Variants in MAP2K1 observed in about 807,000 individuals in gnomAD.
MAP2K1 encodes the protein dual specificity mitogen-activated protein kinase kinase 1.
A neutral mutation model predicts 46.3 loss-of-function variants in MAP2K1; 16 were observed. That is an observed-to-expected ratio of 0.35 (90% confidence interval 0.23 to 0.52). The LOEUF is 0.52. Among genes scored for constraint, MAP2K1 ranks in the 20% least tolerant of loss-of-function variants. The pLI, the probability that MAP2K1 is intolerant of heterozygous loss-of-function variation, is 0.94. For synonymous variants in MAP2K1, 183 were observed against 185.6 expected (o/e 0.99, Z 0.11); for missense variants, 263 against 497.1 (o/e 0.53, Z 4.48).
At chr15:66,426,578 A>AG (rs1205775416) in intron 1 of MAP2K1, among the ~76,000 whole-genome samples, 1 of 152,102 alleles carries the variant, frequency 6.6e-6, no homozygotes, top group African/African-American at 2.4e-5. Flanking sequence ...AGGAAGAGGA[A>AG]GGCATCTAAG....
At chr15:66,447,785 C>T (rs1467087295) in intron 5 of MAP2K1, among the ~76,000 whole-genome samples, 3 of 151,986 alleles carry the variant, frequency 2.0e-5, no homozygotes. Flanking sequence ...AGTACATTCA[C>T]ATTCTTGTGC....
chr15:66,473,620 C>T (rs1892691406), intron 5 of MAP2K1, among the ~76,000 whole-genome samples: 1 of 152,060 alleles, frequency 6.6e-6, no homozygotes, highest in Non-Finnish European at 1.5e-5. Context: ...CTCTCTGTAC[C>T]CCCTATACCT....
At chr15:66,437,556 G>C (rs7179822) in intron 3 of MAP2K1, among the ~76,000 whole-genome samples, 1 of 152,182 alleles carries the variant, frequency 6.6e-6, no homozygotes, top group African/African-American at 2.4e-5. Flanking sequence ...TGCACACTTG[G>C]TGGCTGTTGT....
intron 1 of MAP2K1, among the ~76,000 whole-genome samples, chr15:66,411,909 A>C (rs991834796): frequency 6.6e-6 from 1 of 152,158 alleles, no homozygotes; most frequent in African/African-American, 2.4e-5. Flanking sequence ...CATTTAAGGC[A>C]GGAGAGAGAT....
chr15:66,434,710 G>A (rs181089547), intron 1 of MAP2K1, among the ~76,000 whole-genome samples: 12 of 152,296 alleles, frequency 7.9e-5, no homozygotes, highest in African/African-American at 2.9e-4. Context: ...GCAAATTAAG[G>A]TGGCTCATTC....
intron 5 of MAP2K1, among the ~76,000 whole-genome samples, chr15:66,463,974 T>TA (rs1487557324): frequency 1.3e-5 from 2 of 152,198 alleles, no homozygotes; most frequent in African/African-American, 2.4e-5. Flanking sequence ...GGCAGTCAGA[T>TA]ATGCATTTAT....
chr15:66,463,467 T>G (rs898713091), intron 5 of MAP2K1, among the ~76,000 whole-genome samples: 7 of 150,814 alleles, frequency 4.6e-5, no homozygotes, highest in African/African-American at 1.7e-4. Flanking sequence ...GTGCCCACGG[T>G]GGTCAGGGCA....
intron 1 of MAP2K1, among the ~76,000 whole-genome samples, chr15:66,392,418 A>G (rs924575094): frequency 1.3e-5 from 2 of 151,286 alleles, no homozygotes; most frequent in African/African-American, 4.9e-5. Context: ...GGCTCAAGCG[A>G]TCTGCCCACC....
At chr15:66,480,630 GT>G (rs2084058527) in intron 5 of MAP2K1, among the ~76,000 whole-genome samples, 1 of 152,080 alleles carries the variant, frequency 6.6e-6, no homozygotes, top group African/African-American at 2.4e-5. Context: ...ATAATGAAAC[GT>G]TATTAGTGGC....
intron 1 of MAP2K1, among the ~76,000 whole-genome samples, chr15:66,408,581 G>C (rs1377135846): frequency 6.6e-6 from 1 of 152,064 alleles, no homozygotes; most frequent in Non-Finnish European, 1.5e-5. Flanking sequence ...GGGGTCAAGA[G>C]GGGTGTTAAT....
intron 1 of MAP2K1, among the ~76,000 whole-genome samples, chr15:66,389,784 G>T (rs949938096): frequency 6.6e-6 from 1 of 151,958 alleles, no homozygotes; most frequent in Non-Finnish European, 1.5e-5. Flanking sequence ...CTGTTGGTCA[G>T]GCTGGTCTCA....
At chr15:66,476,724 G>A (rs1892762665) in intron 5 of MAP2K1, among the ~76,000 whole-genome samples, 1 of 152,230 alleles carries the variant, frequency 6.6e-6, no homozygotes. Flanking sequence ...GCTCTGTGCA[G>A]GGGCTGTCCC....
chr15:66,408,255 A>G (rs1489113621), intron 1 of MAP2K1, among the ~76,000 whole-genome samples: 1 of 152,246 alleles, frequency 6.6e-6, no homozygotes, highest in Non-Finnish European at 1.5e-5. Flanking sequence ...AAGAACTTAC[A>G]GTGACGGGGC....
chr15:66,476,431 T>C (rs1892756604), intron 5 of MAP2K1, among the ~76,000 whole-genome samples: 1 of 151,986 alleles, frequency 6.6e-6, no homozygotes, highest in South Asian at 2.1e-4. Context: ...CAGGGCATTA[T>C]CCCAAGTTGG....
At chr15:66,435,418 T>G (rs1210243355) in intron 2 of MAP2K1, among the ~76,000 whole-genome samples, 181 bp downstream of exon 2, 1 of 151,296 alleles carries the variant, frequency 6.6e-6, no homozygotes, top group African/African-American at 2.4e-5. Flanking sequence ...CTCCATCTCC[T>G]GGGTTCAAAC....
chr15:66,448,864 C>T (rs905944372), intron 5 of MAP2K1, among the ~76,000 whole-genome samples: 3 of 151,808 alleles, frequency 2.0e-5, no homozygotes, highest in Admixed American at 6.6e-5. Context: ...ATTAGCTGGG[C>T]GTGGTGGCGG....
chr15:66,393,183 T>TC (rs539277455), intron 1 of MAP2K1, among the ~76,000 whole-genome samples: 1 of 126,628 alleles, frequency 7.9e-6, no homozygotes, highest in Non-Finnish European at 1.8e-5. Flanking sequence ...TCTCTCTCTC[T>TC]TTTTTTTTTT....
chr15:66,489,916 T>G lies in MAP2K1; in HGVS notation c.1068+153T>G. 6 of 755,870 alleles carry G rather than the reference T, an allele frequency of 7.9e-6. No individual in the cohort carries two copies. The South Asian group carries it at 8.4e-5, about 11-fold the overall frequency. The allele number at this position is 755,870 out of a possible 1,614,324, so 46.8% of individuals were successfully genotyped here. ...TGCAGAATACCAAACACCAGTCTCC[T>G]TTGCTCTCCCATCAGTTTAAGGGAA... On this transcript the variant is annotated intron_variant, in intron 10 of 10. Coordinates refer to ENST00000307102, the MANE Select transcript of MAP2K1 (RefSeq NM_002755.4).
chr15:66,389,586 T>G (rs972796396), intron 1 of MAP2K1, among the ~76,000 whole-genome samples: 1 of 146,416 alleles, frequency 6.8e-6, no homozygotes, highest in Non-Finnish European at 1.5e-5. Context: ...TTTTTTTTTT[T>G]TTTTTTTTTT....
Sources: gnomAD v4.1 joint callset for allele counts (sites outside exome capture counted in the v4.1 genomes callset) on GRCh38, gnomAD v4.1.1 for gene constraint, MANE v1.5 for transcripts, NCBI Gene and HGNC (gene_info 2026-07-23, HGNC 2026-07-21) for gene names.